Variants in ERC2 observed in about 807,000 individuals in gnomAD.
The protein encoded by ERC2 is ERC protein 2.
ERC2 carries 42 observed loss-of-function variants against 114.8 expected under a neutral mutation model. The ratio of observed to expected loss-of-function variants is 0.37; its 90% CI spans 0.29 to 0.47. The LOEUF is 0.47. Among genes scored for constraint, ERC2 ranks in the 20% least tolerant of loss-of-function variants. The probability of loss-of-function intolerance (pLI) is 0.99; values close to 1 mark genes in which losing one functional copy is unlikely to be tolerated. For missense variants in ERC2, 939 were observed against 1,150.7 expected, an observed-to-expected ratio of 0.82 and a Z score of 2.66; for synonymous variants, 454 against 425.5, an observed-to-expected ratio of 1.07 and a Z score of -0.82.
intron 3 of ERC2, among the ~76,000 whole-genome samples, chr3:56,266,094 A>G (rs2053280712): frequency 6.6e-6 from 1 of 150,578 alleles, no homozygotes; most frequent in South Asian, 2.1e-4. Context: ...ATAAAATTCA[A>G]CAGAAAAAAT....
intron 11 of ERC2, among the ~76,000 whole-genome samples, chr3:55,988,945 A>G (rs2070841905): frequency 6.6e-6 from 1 of 152,254 alleles, no homozygotes; most frequent in South Asian, 2.1e-4. Flanking sequence ...CACATGTAGC[A>G]CAGCAGATAA....
intron 14 of ERC2, among the ~76,000 whole-genome samples, chr3:55,877,286 T>A (rs1358039410): frequency 1.4e-4 from 22 of 152,076 alleles, no homozygotes; most frequent in Admixed American, 1.4e-3. Flanking sequence ...GTTCCCCTGA[T>A]AGGTAAAACC....
intron 3 of ERC2, among the ~76,000 whole-genome samples, chr3:56,213,653 C>T (rs2049236180): frequency 6.6e-6 from 1 of 152,196 alleles, no homozygotes; most frequent in Non-Finnish European, 1.5e-5. Flanking sequence ...TGTCTGACAG[C>T]TTGGAAGAGA....
intron 17 of ERC2, among the ~76,000 whole-genome samples, chr3:55,592,967 A>C (rs1008604776): frequency 1.3e-4 from 20 of 152,092 alleles, no homozygotes; most frequent in Non-Finnish European, 2.6e-4. Context: ...TTTTTTTCCT[A>C]TGTCCTTCTA....
intron 3 of ERC2, among the ~76,000 whole-genome samples, chr3:56,262,843 C>T (rs966520766): frequency 3.3e-5 from 5 of 152,180 alleles, no homozygotes; most frequent in East Asian, 1.9e-4. Flanking sequence ...AGGAGGATCT[C>T]CTTCATAGGG....
At chr3:56,428,313 G>A (rs951559907) in intron 2 of ERC2, among the ~76,000 whole-genome samples, 4 of 152,056 alleles carry the variant, frequency 2.6e-5, no homozygotes, top group Non-Finnish European at 4.4e-5. Context: ...CTGAGGTCAG[G>A]AGTTCATGAC....
chr3:56,094,453 C>T (rs2077951146), intron 6 of ERC2, among the ~76,000 whole-genome samples: 1 of 152,146 alleles, frequency 6.6e-6, no homozygotes, highest in Admixed American at 6.5e-5. Context: ...CAAAACATAC[C>T]CCAGCAGCCC....
chr3:55,950,996 G>A (rs1309005964), intron 12 of ERC2, among the ~76,000 whole-genome samples: 2 of 152,200 alleles, frequency 1.3e-5, no homozygotes, highest in African/African-American at 4.8e-5. Context: ...CTGTGGGTGA[G>A]ACTACAAGGA....
chr3:56,198,723 A>C (rs1417551123), intron 3 of ERC2, among the ~76,000 whole-genome samples: 1 of 152,228 alleles, frequency 6.6e-6, no homozygotes, highest in Non-Finnish European at 1.5e-5. Flanking sequence ...AAATATGCCC[A>C]GTTGGCAGTG....
chr3:55,793,426 A>G (rs1253020864), intron 14 of ERC2, among the ~76,000 whole-genome samples: 1 of 152,154 alleles, frequency 6.6e-6, no homozygotes, highest in East Asian at 1.9e-4. Context: ...TAGTCACTGC[A>G]GGACTGTTTT....
chr3:55,875,667 T>A (rs183352018), intron 14 of ERC2, among the ~76,000 whole-genome samples: 6 of 151,398 alleles, frequency 4.0e-5, no homozygotes, highest in Admixed American at 2.6e-4. Context: ...AGCCAGACCC[T>A]CTTTTTCTGC....
intron 1 of ERC2, among the ~76,000 whole-genome samples, chr3:56,451,592 C>A (rs950189999): frequency 2.6e-5 from 4 of 152,024 alleles, no homozygotes; most frequent in Admixed American, 2.6e-4. Context: ...ACAGAAACCC[C>A]CTTAACAATG....
chr3:55,543,644 C>T (rs2054548181), intron 17 of ERC2, among the ~76,000 whole-genome samples: 1 of 152,176 alleles, frequency 6.6e-6, no homozygotes, highest in Admixed American at 6.5e-5. Context: ...GAAGGAGGCA[C>T]TTAAGCTAAA....
intron 17 of ERC2, among the ~76,000 whole-genome samples, chr3:55,651,796 T>G (rs1041226057): frequency 2.0e-5 from 3 of 152,206 alleles, no homozygotes; most frequent in Non-Finnish European, 2.9e-5. Flanking sequence ...TGTTTTTAAT[T>G]AGACTCATTC....
At chr3:55,667,717 CAA>C (rs1164591434) in intron 17 of ERC2, among the ~76,000 whole-genome samples, 2 of 152,146 alleles carry the variant, frequency 1.3e-5, no homozygotes, top group Admixed American at 1.3e-4. Flanking sequence ...TGCCCCCCAA[CAA>C]ATCCAGGAGG....
intron 3 of ERC2, among the ~76,000 whole-genome samples, chr3:56,248,580 T>C (rs937425926): frequency 6.6e-6 from 1 of 152,240 alleles, no homozygotes; most frequent in African/African-American, 2.4e-5. Context: ...CTGCTTTCAA[T>C]AGCGTCCCAT....
chr3:56,217,218 C>T (rs2049547356), intron 3 of ERC2, among the ~76,000 whole-genome samples: 1 of 152,178 alleles, frequency 6.6e-6, no homozygotes, highest in Non-Finnish European at 1.5e-5. Context: ...TTGCAGATGA[C>T]ATGATTGTAT....
At chr3:56,332,539 T>C (rs755369166) in intron 2 of ERC2, among the ~76,000 whole-genome samples, 6 of 152,166 alleles carry the variant, frequency 3.9e-5, no homozygotes, top group Non-Finnish European at 8.8e-5. Context: ...GCCACTGTTC[T>C]CTCCACTCCA....
intron 14 of ERC2, among the ~76,000 whole-genome samples, chr3:55,819,950 G>T (rs910007012): frequency 2.6e-5 from 4 of 152,324 alleles, no homozygotes; most frequent in African/African-American, 4.8e-5. Context: ...ATGGAGGGGG[G>T]TTCCCAATTA....
Sources: allele counts gnomAD v4.1 joint callset (sites outside exome capture counted in the v4.1 genomes callset), GRCh38; gene constraint gnomAD v4.1.1; transcripts MANE v1.5; gene names NCBI Gene and HGNC (gene_info 2026-07-23, HGNC 2026-07-21).